ZC3H12D: variants seen among roughly 807,000 people sequenced by gnomAD.
The protein encoded by ZC3H12D is zinc finger CCCH-type containing 12D, also known as probable ribonuclease ZC3H12D.
ZC3H12D carries 11 observed loss-of-function variants against 24.2 expected under a neutral mutation model. The ratio of observed to expected loss-of-function variants is 0.46; its 90% confidence interval spans 0.29 to 0.75. ZC3H12D has a LOEUF of 0.75. Among genes scored for constraint, ZC3H12D ranks in the 30% least tolerant of loss-of-function variants. The pLI, the probability that ZC3H12D is intolerant of heterozygous loss-of-function variation, is 0.11. For synonymous variants in ZC3H12D, 333 were observed against 341.8 expected (o/e 0.97, Z 0.28); for missense variants, 740 against 767.7 (o/e 0.96, Z 0.43).
At chr6:149,483,237 G>A (rs1264003623) in intron 1 of ZC3H12D, 1 of 152,214 alleles carries the variant, frequency 6.6e-6, no homozygotes, top group African/African-American at 2.4e-5. Context: ...GAGAGGCAAA[G>A]ACGGTAGTTC....
chr6:149,481,041 A>G lies in ZC3H12D; in HGVS notation c.-71+3772T>C, dbSNP rs540965228. On this transcript the variant is annotated intron_variant, in intron 1 of 5. Transcript: ENST00000409806. ...GAGGTCCACCTGCAGCCCAGACTCC[A>G]TAAAGGAAGGGGACACTCACCCAGC... Among the ~76,000 whole-genome samples, 61 of 151,464 alleles carry G rather than the reference A, an allele frequency of 4.0e-4. 6 individuals are homozygous for G. The South Asian group carries it at 0.013, about 32-fold the overall frequency.
At chr6:149,482,370 G>A (rs962014020) in intron 1 of ZC3H12D, among the ~76,000 whole-genome samples, 2 of 152,240 alleles carry the variant, frequency 1.3e-5, no homozygotes, top group African/African-American at 4.8e-5. Flanking sequence ...CTATTTTGAA[G>A]ACCTGAAAAT....
chr6:149,458,112 T>TCGTTTCTTG (rs1491459005), intron 3 of ZC3H12D, among the ~76,000 whole-genome samples: 1 of 52,944 alleles, frequency 1.9e-5, no homozygotes, highest in African/African-American at 1.2e-4. Context: ...TTTCTTTTTC[T>TCGTTTCTTG]TTTTTTTTTT....
rs1776074892 is a variant in ZC3H12D at position 149,461,699 on chromosome 6, G to A, written c.445+132C>T. 4.9e-6 allele frequency: 5 copies of A among 1,019,006 alleles called. No homozygotes were observed. In the South Asian group the frequency reaches 5.1e-5, roughly 10 times the overall value. 63.1% of individuals were successfully genotyped at this position (1,019,006 alleles called of 1,614,324 possible). On this transcript the variant is annotated intron_variant, in intron 3 of 5. Coordinates refer to ENST00000409806, the MANE Select transcript of ZC3H12D (RefSeq NM_207360.3). The stretch of plus-strand genomic sequence containing the variant: ...GAACAGTCATAATCAGTGCCTTCAT[G>A]GAGCTTATAGCGCAGTGAGGAAGAC...
chr6:149,461,679 G>T, intron 3 of ZC3H12D, 152 bp downstream of exon 3: 1 of 808,526 alleles, frequency 1.2e-6, no homozygotes, highest in Non-Finnish European at 1.9e-6. Flanking sequence ...GCATTGAACA[G>T]TCATAATCAG....
In ZC3H12D at chr6:149,474,558, C is replaced by T; in HGVS notation, c.-15G>A. 16 of 1,470,678 alleles carry T rather than the reference C, an allele frequency of 1.1e-5. No individual in the cohort carries two copies. Among genetic ancestry groups the T allele is most frequent in the Non-Finnish European group, 1.5e-5 (16 of 1,102,174 alleles). 91.1% of individuals were successfully genotyped at this position (1,470,678 alleles called of 1,614,324 possible). Reference sequence around the variant, plus strand: ...GGGTGCTCCATGCTGTGCCCAGCGGCCACTGGCGCAGGTCCTGCCCCAGGC... The same window carrying T: ...GGGTGCTCCATGCTGTGCCCAGCGGTCACTGGCGCAGGTCCTGCCCCAGGC... On this transcript the variant is annotated 5_prime_UTR_variant, in exon 2 of 6. Transcript: ENST00000409806.
chr6:149,478,182 A>C (rs1005647418), intron 1 of ZC3H12D, among the ~76,000 whole-genome samples: 6 of 151,914 alleles, frequency 3.9e-5, no homozygotes, highest in Non-Finnish European at 7.4e-5. Flanking sequence ...AAAAAAAAAA[A>C]AAACTATTTT....
chr6:149,467,309 A>C (rs1387192320), intron 2 of ZC3H12D, among the ~76,000 whole-genome samples: 1 of 151,856 alleles, frequency 6.6e-6, no homozygotes. Flanking sequence ...CTGGAGTGCA[A>C]TGGTACAATC....
At position 149,451,032 on chromosome 6, in the gene ZC3H12D, TG is replaced by T; in HGVS notation, c.1234del (p.Gln412SerfsTer86). Reference sequence around the variant, plus strand: ...CCTAGGGCGGTGTTCGCCCCGCGGCTGGAGCTGCAGGCCGGGCGGAGGCGGG... The same window carrying T: ...CCTAGGGCGGTGTTCGCCCCGCGGCTGAGCTGCAGGCCGGGCGGAGGCGGG... ...DLPPPPGLQL[Q>X]PRGEHRPRDL... On this transcript the variant is annotated frameshift_variant, in exon 6 of 6. Transcript: ENST00000409806. LOFTEE classifies it low-confidence loss of function (END_TRUNC). The T allele has an allele frequency of 1.4e-6, 2 of 1,439,750 alleles. No homozygotes were observed. The highest frequency in any genetic ancestry group is 2.7e-5 in the Admixed American group (1 of 36,388). The allele number at this position is 1,439,750 out of a possible 1,614,324, so 89.2% of individuals were successfully genotyped here.
chr6:149,457,110 G>A (rs954483587), intron 3 of ZC3H12D, among the ~76,000 whole-genome samples: 1 of 152,216 alleles, frequency 6.6e-6, no homozygotes, highest in Non-Finnish European at 1.5e-5. Flanking sequence ...GCAGGCAGGC[G>A]CGTGGCTTCC....
chr6:149,458,880 T>C (rs965407525), intron 3 of ZC3H12D, among the ~76,000 whole-genome samples: 4 of 152,364 alleles, frequency 2.6e-5, no homozygotes, highest in Non-Finnish European at 4.4e-5. Context: ...TATGTTTATA[T>C]GGCCATATAT....
At chr6:149,455,990 A>C (rs1258214593) in intron 4 of ZC3H12D, among the ~76,000 whole-genome samples, 1 of 149,928 alleles carries the variant, frequency 6.7e-6, no homozygotes, top group Non-Finnish European at 1.5e-5. Context: ...ACGGTGGCTC[A>C]AGCCTGTAAT....
rs139438120 is a variant in ZC3H12D, at chr6:149,451,617, G to T, written c.788-138C>A. ...TCCAAGCAGGCCCCCAGGCCGCCGCGGACTCCTCAGACTCAGCGCCCTGGA... is the reference window on the plus strand; with the variant it reads ...TCCAAGCAGGCCCCCAGGCCGCCGCTGACTCCTCAGACTCAGCGCCCTGGA... On this transcript the variant is annotated intron_variant, in intron 5 of 5. Coordinates refer to ENST00000409806, the MANE Select transcript of ZC3H12D (RefSeq NM_207360.3). The T allele has an allele frequency of 3.2e-3, 2,368 of 751,666 alleles. 52 individuals are homozygous for T. The African/African-American group carries it at 0.041, about 13-fold the overall frequency. The allele number at this position is 751,666 out of a possible 1,614,324, so 46.6% of individuals were successfully genotyped here. A position where few individuals can be genotyped will look rare whatever the true frequency, so the allele number is the denominator to read the frequency against.
At chr6:149,454,958 G>A (rs1775956356) in intron 4 of ZC3H12D, among the ~76,000 whole-genome samples, 1 of 152,244 alleles carries the variant, frequency 6.6e-6, no homozygotes, top group South Asian at 2.1e-4. Flanking sequence ...AGTACCCCCT[G>A]CTGCACCATG....
At chr6:149,465,068 A>G (rs59908402) in intron 2 of ZC3H12D, among the ~76,000 whole-genome samples, 3,214 of 152,300 alleles carry the variant, frequency 0.021, 82 homozygotes, top group South Asian at 0.11. Flanking sequence ...AAGTTTATAA[A>G]AGAAAAAGGA....
At chr6:149,461,649 TG>T in intron 3 of ZC3H12D, 181 bp downstream of exon 3, 1 of 525,806 alleles carries the variant, frequency 1.9e-6, no homozygotes, top group Non-Finnish European at 3.2e-6. Flanking sequence ...TTACGCTAGG[TG>T]CTAGGTGCTA....
chr6:149,481,403 T>C (rs925860785), intron 1 of ZC3H12D, among the ~76,000 whole-genome samples: 2 of 150,244 alleles, frequency 1.3e-5, no homozygotes, highest in African/African-American at 4.9e-5. Flanking sequence ...GAGGGAGAGT[T>C]TTGCTCTGTC....
chr6:149,459,197 T>A (rs920842826), intron 3 of ZC3H12D, among the ~76,000 whole-genome samples: 2 of 152,250 alleles, frequency 1.3e-5, no homozygotes, highest in African/African-American at 2.4e-5. Flanking sequence ...TATCCCAAAG[T>A]AATTTCTCTA....
At position 149,452,792 on chromosome 6, in the gene ZC3H12D, C is replaced by T. The variant is rs1215962666; in HGVS notation, c.681-70G>A. On this transcript the variant is annotated intron_variant, in intron 4 of 5. Coordinates refer to ENST00000409806, the MANE Select transcript of ZC3H12D (RefSeq NM_207360.3). This position sits in a 1 kb window ranked among gnomAD's most constrained non-coding sequence, Gnocchi z 4.0. The stretch of plus-strand genomic sequence containing the variant: ...GCCACCAGCACCTGTACAAAGGGAG[C>T]AGGCCCAAGTTCCCCAAGAACACCA... 4.3e-6 allele frequency: 6 copies of T among 1,382,104 alleles called. No homozygotes were observed. In the South Asian group the frequency reaches 6.2e-5, roughly 14 times the overall value. 85.6% of individuals were successfully genotyped at this position (1,382,104 alleles called of 1,614,324 possible). A position where few individuals can be genotyped will look rare whatever the true frequency, so the allele number is the denominator to read the frequency against.
Sources: allele counts gnomAD v4.1 joint callset (sites outside exome capture counted in the v4.1 genomes callset), GRCh38; gene constraint gnomAD v4.1.1; non-coding constraint Gnocchi (gnomAD v3.1); transcripts MANE v1.5; gene names NCBI Gene and HGNC (gene_info 2026-07-23, HGNC 2026-07-21).